LRFN2: variants seen among roughly 807,000 people sequenced by gnomAD.
LRFN2 encodes leucine rich repeat and fibronectin type III domain containing 2.
A neutral mutation model predicts 37.3 loss-of-function variants in LRFN2; 18 were observed. That is an observed-to-expected ratio of 0.48 (90% CI 0.33 to 0.72). The LOEUF is 0.72. LRFN2 is among the 30% of genes least tolerant of loss of function. LRFN2 has a pLI of 0.02. For synonymous variants in LRFN2, 556 were observed against 466.6 expected, an observed-to-expected ratio of 1.19 and a Z score of -2.47; for missense variants, 1,006 against 1,060.7, an observed-to-expected ratio of 0.95 and a Z score of 0.72.
rs529267822 is a variant in LRFN2 at position 40,401,578 on chromosome 6, G to A, written c.1401-8666C>T. Among the ~76,000 whole-genome samples, 3 of 152,288 alleles carry A rather than the reference G, an allele frequency of 2.0e-5. No individual in the cohort carries two copies. In the East Asian group the frequency reaches 5.8e-4, roughly 30 times the overall value. On this transcript the variant is annotated intron_variant, in intron 2 of 2. Transcript: ENST00000338305. ...TACATTATGGCAATTATTTGCAACA[G>A]CAGTTGCCTCCCCTGACTAACAGAC... is the stretch of plus-strand genomic sequence containing the variant.
At chr6:40,529,533 C>T (rs970959158) in intron 1 of LRFN2, among the ~76,000 whole-genome samples, 1 of 152,210 alleles carries the variant, frequency 6.6e-6, no homozygotes, top group Admixed American at 6.5e-5. Flanking sequence ...AATAAATCTG[C>T]TGCCAAGCCA....
chr6:40,403,000 A>G (rs1005679955), intron 2 of LRFN2, among the ~76,000 whole-genome samples: 2 of 152,192 alleles, frequency 1.3e-5, no homozygotes, highest in Non-Finnish European at 2.9e-5. Flanking sequence ...TGAGGCTGGA[A>G]CAGAGAGATG....
intron 1 of LRFN2, among the ~76,000 whole-genome samples, chr6:40,583,187 A>AGT (rs889827653): frequency 3.0e-5 from 2 of 67,092 alleles, no homozygotes; most frequent in African/African-American, 1.4e-4. Context: ...ATATGTATAT[A>AGT]GTGTATATAT....
chr6:40,506,239 G>C (rs1011551039), intron 1 of LRFN2, among the ~76,000 whole-genome samples: 1 of 152,142 alleles, frequency 6.6e-6, no homozygotes, highest in East Asian at 1.9e-4. Context: ...AGAATAAGCC[G>C]TGTCATGGAA....
intron 1 of LRFN2, among the ~76,000 whole-genome samples, chr6:40,447,392 T>G (rs981851581): frequency 5.9e-5 from 9 of 152,190 alleles, no homozygotes; most frequent in African/African-American, 2.2e-4. Flanking sequence ...CAGGCTCTCT[T>G]CTTTCCCCAA....
At chr6:40,439,246 A>G (rs1347435834) in intron 1 of LRFN2, among the ~76,000 whole-genome samples, 3 of 152,202 alleles carry the variant, frequency 2.0e-5, no homozygotes, top group Non-Finnish European at 4.4e-5. Flanking sequence ...ATCAAGTAAG[A>G]TGCCTGTCTC....
chr6:40,563,432 G>T (rs1260805266), intron 1 of LRFN2, among the ~76,000 whole-genome samples: 2 of 152,142 alleles, frequency 1.3e-5, no homozygotes, highest in Non-Finnish European at 2.9e-5. Context: ...AGCAGCAGCT[G>T]CCAGGGGCTC....
At chr6:40,478,616 G>A (rs1764759368) in intron 1 of LRFN2, among the ~76,000 whole-genome samples, 1 of 152,206 alleles carries the variant, frequency 6.6e-6, no homozygotes, top group East Asian at 1.9e-4. Context: ...ACCCCTCACA[G>A]AGCAGGTGAA....
At chr6:40,497,229 C>A (rs1462886523) in intron 1 of LRFN2, among the ~76,000 whole-genome samples, 1 of 152,174 alleles carries the variant, frequency 6.6e-6, no homozygotes, top group Admixed American at 6.5e-5. Flanking sequence ...AGCCCCTCTG[C>A]AGTTCCCCCC....
At chr6:40,422,758 C>T (rs1431811793) in intron 2 of LRFN2, among the ~76,000 whole-genome samples, 2 of 152,136 alleles carry the variant, frequency 1.3e-5, no homozygotes, top group African/African-American at 4.8e-5. Flanking sequence ...TGGTGTTTTC[C>T]TGGTATGGAA....
chr6:40,485,956 G>A (rs992811915), intron 1 of LRFN2, among the ~76,000 whole-genome samples: 2 of 152,256 alleles, frequency 1.3e-5, no homozygotes, highest in Admixed American at 1.3e-4. Context: ...AACAGGGACA[G>A]CTGGAGCTCA....
intron 1 of LRFN2, among the ~76,000 whole-genome samples, chr6:40,560,629 C>T (rs1411232218): frequency 6.6e-6 from 1 of 152,090 alleles, no homozygotes; most frequent in Non-Finnish European, 1.5e-5. Flanking sequence ...TTTATCAAAC[C>T]GCAGTTCATG....
intron 1 of LRFN2, chr6:40,501,536 C>T (rs1274347778): frequency 6.6e-6 from 1 of 151,664 alleles, no homozygotes; most frequent in Non-Finnish European, 1.5e-5. Flanking sequence ...TTATGCTGCC[C>T]AGGCTGGTCT....
intron 2 of LRFN2, among the ~76,000 whole-genome samples, chr6:40,407,594 TCAA>T (rs1300176537): frequency 1.3e-5 from 2 of 152,228 alleles, no homozygotes; most frequent in African/African-American, 2.4e-5. Context: ...AAGAGCTTGT[TCAA>T]CAACAACTCA....
chr6:40,479,094 C>T (rs528212395), intron 1 of LRFN2, among the ~76,000 whole-genome samples: 1 of 152,348 alleles, frequency 6.6e-6, no homozygotes, highest in Non-Finnish European at 1.5e-5. Flanking sequence ...TGCTTCACTT[C>T]CTTGTGCCTC....
intron 1 of LRFN2, among the ~76,000 whole-genome samples, chr6:40,498,624 C>A (rs542329092): frequency 1.3e-5 from 2 of 152,320 alleles, no homozygotes; most frequent in African/African-American, 4.8e-5. Flanking sequence ...ATCTCATGTG[C>A]TATGCACACA....
chr6:40,470,723 G>T (rs184183364), intron 1 of LRFN2, among the ~76,000 whole-genome samples: 324 of 152,268 alleles, frequency 2.1e-3, no homozygotes, highest in African/African-American at 7.2e-3. Flanking sequence ...CAGGCCCCAG[G>T]TTCAGCCCAC....
chr6:40,435,070 G>GAGAC (rs1763623624), intron 1 of LRFN2, among the ~76,000 whole-genome samples: 1 of 136,904 alleles, frequency 7.3e-6, no homozygotes, highest in Non-Finnish European at 1.6e-5. Context: ...GAGAGAGAGA[G>GAGAC]AGAGAGAGAG....
chr6:40,495,036 T>C (rs951833110), intron 1 of LRFN2, among the ~76,000 whole-genome samples: 2 of 152,200 alleles, frequency 1.3e-5, no homozygotes, highest in Non-Finnish European at 2.9e-5. Context: ...CTGACTGGCA[T>C]CTAGAGCCCT....
Sources: gnomAD v4.1 joint callset for allele counts (sites outside exome capture counted in the v4.1 genomes callset) on GRCh38, gnomAD v4.1.1 for gene constraint, MANE v1.5 for transcripts, NCBI Gene and HGNC (gene_info 2026-07-23, HGNC 2026-07-21) for gene names.